The following EPB41 variants were observed in gnomAD, a reference collection of about 807,000 sequenced individuals.
EPB41 encodes the protein erythrocyte membrane protein band 4.1, also known as protein 4.1.
A neutral mutation model predicts 108.0 loss-of-function variants in EPB41; 65 were observed. The observed-to-expected ratio is 0.60, with a 90% CI of 0.49 to 0.74. EPB41 has a LOEUF of 0.74. Ranked by LOEUF, EPB41 falls within the 30% of genes least tolerant of loss-of-function variation. The probability of loss-of-function intolerance (pLI) is 0.00; values close to 1 mark genes in which losing one functional copy is unlikely to be tolerated. For synonymous variants in EPB41, 336 were observed against 358.9 expected (o/e 0.94, Z 0.72); for missense variants, 875 against 1,037.0 (o/e 0.84, Z 2.15).
At chr1:28,956,498 A>G (rs1376636778) in intron 1 of EPB41, among the ~76,000 whole-genome samples, 1 of 152,158 alleles carries the variant, frequency 6.6e-6, no homozygotes, top group Non-Finnish European at 1.5e-5. Flanking sequence ...GAACAAGAAC[A>G]TTTTCTTGAA....
At position 28,987,669 on chromosome 1, in the gene EPB41, G is replaced by A; in HGVS notation, c.232G>A (p.Gly78Arg). 6.2e-7 allele frequency: 1 copy of A among 1,614,178 alleles called. No individual in the cohort carries two copies. The highest frequency in any genetic ancestry group is 8.5e-7 in the Non-Finnish European group (1 of 1,180,044). The change falls in exon 2 of 21, where the codon GGA (glycine) becomes AGA (arginine). Residue 78 changes from glycine (G) to arginine (R), a missense_variant. Transcript: ENST00000343067. ...KNKERTSESRGLSRLFSSFLK... is the reference protein window; with the variant it reads ...KNKERTSESRRLSRLFSSFLK... ...CAAGGAGCGGACATCAGAAAGCAGA[G>A]GACTTTCACGACTATTCTCCTCGTT... is the stretch of plus-strand genomic sequence containing the variant.
intron 7 of EPB41, among the ~76,000 whole-genome samples, chr1:29,025,011 A>G (rs1268471280): frequency 5.9e-5 from 9 of 152,060 alleles, no homozygotes; most frequent in Admixed American, 5.9e-4. Context: ...TATGCATTTT[A>G]CTATGCATTG....
intron 1 of EPB41, among the ~76,000 whole-genome samples, chr1:28,904,668 C>A (rs1037533988): frequency 6.6e-6 from 1 of 151,768 alleles, no homozygotes; most frequent in Non-Finnish European, 1.5e-5. Context: ...GAGGCGGAGG[C>A]GGGTGGATTA....
At chr1:28,940,007 CAG>C (rs980461778) in intron 1 of EPB41, among the ~76,000 whole-genome samples, 24 of 152,104 alleles carry the variant, frequency 1.6e-4, no homozygotes, top group African/African-American at 4.8e-4. Context: ...CTGGAGGATC[CAG>C]TATGGCCTTG....
At chr1:28,929,421 G>A (rs557693739) in intron 1 of EPB41, among the ~76,000 whole-genome samples, 12 of 151,488 alleles carry the variant, frequency 7.9e-5, no homozygotes, top group African/African-American at 1.9e-4. Context: ...TAGTAGAGAC[G>A]GGGTTTCACC....
In EPB41 at chr1:29,102,387, G is replaced by A. The variant is rs148127801; in HGVS notation, c.2313+4452G>A. ...ATTGCAGCTATGTGTGTTTAGGTTT[G>A]TATATCAATACACTCTCTCTGAATG... On this transcript the variant is annotated intron_variant, in intron 17 of 20. Coordinates refer to ENST00000343067, the MANE Select transcript of EPB41 (RefSeq NM_001376013.1). Among the ~76,000 whole-genome samples the A allele has an allele frequency of 4.5e-3, 682 of 152,106 alleles. 4 individuals carry two copies. The highest frequency in any genetic ancestry group is 0.016 in the African/African-American group (645 of 41,500).
At chr1:29,035,209 T>G (rs1639010945) in intron 9 of EPB41, among the ~76,000 whole-genome samples, 1 of 152,106 alleles carries the variant, frequency 6.6e-6, no homozygotes, top group Admixed American at 6.5e-5. Context: ...GGTCTTGAAC[T>G]CCTGACCTTG....
chr1:28,901,743 A>G (rs909188998), intron 1 of EPB41, among the ~76,000 whole-genome samples: 1 of 152,016 alleles, frequency 6.6e-6, no homozygotes, highest in Admixed American at 6.5e-5. Flanking sequence ...CATGTTGACC[A>G]GGCTGGTCTC....
intron 1 of EPB41, among the ~76,000 whole-genome samples, chr1:28,928,852 T>A (rs375332013): frequency 6.6e-6 from 1 of 152,158 alleles, no homozygotes; most frequent in African/African-American, 2.4e-5. Context: ...AGGTTACTGA[T>A]TCAAGGTCCT....
intron 16 of EPB41, among the ~76,000 whole-genome samples, chr1:29,092,537 G>A (rs958663888): frequency 2.0e-5 from 3 of 152,100 alleles, no homozygotes; most frequent in East Asian, 1.9e-4. Flanking sequence ...TTTGGCTTTC[G>A]TTAGGTTATT....
chr1:28,968,562 G>T (rs56125594), intron 1 of EPB41, among the ~76,000 whole-genome samples: 47,642 of 151,722 alleles, frequency 0.31, 9,020 homozygotes, highest in East Asian at 0.85. Flanking sequence ...TATTCCCAGG[G>T]CTTAGAAAAG....
chr1:29,111,526 G>C (rs1175180), intron 18 of EPB41, among the ~76,000 whole-genome samples: 2 of 151,494 alleles, frequency 1.3e-5, no homozygotes, highest in South Asian at 4.2e-4. Flanking sequence ...GGTGGCAGGC[G>C]CCTGTAGTCC....
intron 1 of EPB41, among the ~76,000 whole-genome samples, chr1:28,951,367 C>A (rs1240654199): frequency 2.6e-5 from 2 of 76,314 alleles, no homozygotes; most frequent in Non-Finnish European, 4.5e-5. Context: ...GTCTTACACA[C>A]ACACACACAC....
chr1:29,076,133 C>T (rs1653969015), intron 16 of EPB41, among the ~76,000 whole-genome samples: 1 of 152,210 alleles, frequency 6.6e-6, no homozygotes, highest in Non-Finnish European at 1.5e-5. Context: ...AGGTAACTCT[C>T]ATGTTGAAAC....
At chr1:28,999,619 A>G (rs539716973) in intron 4 of EPB41, among the ~76,000 whole-genome samples, 1 of 152,338 alleles carries the variant, frequency 6.6e-6, no homozygotes, top group African/African-American at 2.4e-5. Flanking sequence ...ATACATTTCT[A>G]GAAGCTGGCT....
intron 4 of EPB41, among the ~76,000 whole-genome samples, chr1:29,010,108 G>C (rs1433485269): frequency 6.6e-6 from 1 of 152,028 alleles, no homozygotes; most frequent in African/African-American, 2.4e-5. Flanking sequence ...AGGCCGAGGT[G>C]GGCAGATCAC....
intron 17 of EPB41, among the ~76,000 whole-genome samples, chr1:29,105,471 C>T (rs1357204407): frequency 1.3e-5 from 2 of 152,098 alleles, no homozygotes; most frequent in African/African-American, 2.4e-5. Flanking sequence ...CTCCTGACCT[C>T]AGGTGATCCA....
chr1:28,926,198 A>G (rs2093436364), intron 1 of EPB41, among the ~76,000 whole-genome samples: 2 of 145,056 alleles, frequency 1.4e-5, no homozygotes, highest in Admixed American at 6.9e-5. Flanking sequence ...AAAAAAAAAA[A>G]TACAAAAATT....
intron 4 of EPB41, among the ~76,000 whole-genome samples, chr1:29,011,588 C>T (rs964621557): frequency 6.6e-6 from 1 of 152,188 alleles, no homozygotes; most frequent in Admixed American, 6.5e-5. Context: ...GTAGGCACTA[C>T]TACCAATATC....
Sources: allele counts gnomAD v4.1 joint callset (sites outside exome capture counted in the v4.1 genomes callset), GRCh38; gene constraint gnomAD v4.1.1; transcripts MANE v1.5; gene names NCBI Gene and HGNC (gene_info 2026-07-23, HGNC 2026-07-21).